Variants in HBS1L observed in about 807,000 individuals in gnomAD.
HBS1L encodes HBS1 like translational GTPase.
HBS1L carries 55 observed loss-of-function variants against 88.9 expected under a neutral mutation model. That is an observed-to-expected ratio of 0.62 (90% CI 0.50 to 0.77). HBS1L has a LOEUF of 0.77. Ranked by LOEUF, HBS1L falls within the 30% of genes least tolerant of loss-of-function variation. The pLI is 0.00. For synonymous variants in HBS1L, 267 were observed against 288.5 expected, an observed-to-expected ratio of 0.93 and a Z score of 0.76; for missense variants, 741 against 829.3, an observed-to-expected ratio of 0.89 and a Z score of 1.31.
chr6:135,022,338 G>T (rs1304864922), intron 4 of HBS1L, among the ~76,000 whole-genome samples: 1 of 151,248 alleles, frequency 6.6e-6, no homozygotes, highest in Non-Finnish European at 1.5e-5. Flanking sequence ...AAAAAGCAAG[G>T]TAATTAATGT....
At chr6:134,975,147 TC>T (rs1774607128) in intron 15 of HBS1L, among the ~76,000 whole-genome samples, 1 of 152,006 alleles carries the variant, frequency 6.6e-6, no homozygotes, top group Non-Finnish European at 1.5e-5. Flanking sequence ...AAGAACTTAA[TC>T]CCTTTTACAA....
intron 4 of HBS1L, among the ~76,000 whole-genome samples, chr6:135,025,207 A>T (rs1397833218): frequency 2.0e-5 from 3 of 152,224 alleles, no homozygotes; most frequent in African/African-American, 7.2e-5. Flanking sequence ...ACTTTCAAAA[A>T]AGTAGGAAAC....
chr6:134,977,939 G>A (rs941131469), intron 15 of HBS1L, among the ~76,000 whole-genome samples: 20 of 151,976 alleles, frequency 1.3e-4, no homozygotes, highest in Non-Finnish European at 2.5e-4. Context: ...CTATTCACAA[G>A]TAACAGCTTT....
chr6:135,016,789 CAT>C (rs1041195642), intron 4 of HBS1L, among the ~76,000 whole-genome samples: 1 of 152,066 alleles, frequency 6.6e-6, no homozygotes, highest in African/African-American at 2.4e-5. Flanking sequence ...GTGCCTGGTA[CAT>C]ATTAGGCACT....
Position 134,996,877 on chromosome 6 carries a change from T to C in HBS1L, c.865A>G (p.Lys289Glu), listed in dbSNP as rs1432031299. The C allele has an allele frequency of 4.3e-6, 7 of 1,611,166 alleles. No homozygotes were observed. The highest frequency in any genetic ancestry group is 5.1e-6 in the Non-Finnish European group (6 of 1,178,904). ...TGTTCATACTTATGCATAGTTCTTT[T>C]GTTTATATTACCCAGAAGATAAAGC... is the stretch of plus-strand genomic sequence containing the variant. Reference protein sequence around the residue: ...HMLYLLGNINKRTMHKYEQES... With the variant: ...HMLYLLGNINERTMHKYEQES... Residue 289 changes from lysine to glutamate, a missense_variant, in exon 7 of 18, where the codon AAA (lysine) becomes GAA (glutamate). This residue lies in a region of HBS1L where 556 missense variants were observed against 598.4 expected (regional missense o/e 0.93). Transcript: ENST00000367837.
intron 15 of HBS1L, 41 bp from the exon 16 acceptor site, chr6:134,969,379 G>A (rs757325336): frequency 1.2e-5 from 15 of 1,211,994 alleles, no homozygotes; most frequent in Non-Finnish European, 1.8e-5. Flanking sequence ...TGCTACCACA[G>A]TATCTCTGGC....
intron 3 of HBS1L, among the ~76,000 whole-genome samples, chr6:135,041,216 T>A (rs1289106285): frequency 6.6e-6 from 1 of 152,052 alleles, no homozygotes; most frequent in Non-Finnish European, 1.5e-5. Flanking sequence ...CTGAAATATT[T>A]GGGCAATTCT....
chr6:135,006,947 G>C (rs1179327875), intron 4 of HBS1L, among the ~76,000 whole-genome samples: 1 of 152,094 alleles, frequency 6.6e-6, no homozygotes, highest in Non-Finnish European at 1.5e-5. Context: ...TCTCAATCCA[G>C]CCTTTATGAC....
At chr6:134,975,920 T>C (rs900034126) in intron 15 of HBS1L, among the ~76,000 whole-genome samples, 5 of 152,052 alleles carry the variant, frequency 3.3e-5, no homozygotes, top group African/African-American at 9.7e-5. Flanking sequence ...AAGACCTAAT[T>C]AAGCTAAAGA....
chr6:135,003,843 C>A (rs894488679), intron 4 of HBS1L, among the ~76,000 whole-genome samples: 5 of 151,686 alleles, frequency 3.3e-5, no homozygotes, highest in African/African-American at 1.2e-4. Context: ...CCAGCCTAGG[C>A]GACAGAGTGA....
intron 10 of HBS1L, among the ~76,000 whole-genome samples, 165 bp downstream of exon 10, chr6:134,986,571 A>C (rs185371150): frequency 1.6e-4 from 24 of 152,240 alleles, no homozygotes; most frequent in Admixed American, 1.4e-3. Context: ...CAATTTTCTA[A>C]GTTGAAATAA....
At chr6:134,995,949 T>A (rs1775277226) in intron 7 of HBS1L, among the ~76,000 whole-genome samples, 1 of 152,054 alleles carries the variant, frequency 6.6e-6, no homozygotes, top group African/African-American at 2.4e-5. Context: ...TATCCAAGAC[T>A]GCAAGAAAAT....
At chr6:134,978,619 T>C in intron 15 of HBS1L, 60 bp downstream of exon 15, 1 of 911,164 alleles carries the variant, frequency 1.1e-6, no homozygotes, top group Non-Finnish European at 1.7e-6. Flanking sequence ...GTTACCACTT[T>C]TAGGATAAAG....
chr6:135,000,457 T>C (rs1362618573), intron 5 of HBS1L, among the ~76,000 whole-genome samples: 2 of 149,472 alleles, frequency 1.3e-5, no homozygotes, highest in African/African-American at 2.6e-5. Context: ...GTTTAATCTT[T>C]CTTCTGGAGT....
chr6:135,006,653 A>C (rs1158916868), intron 4 of HBS1L, among the ~76,000 whole-genome samples: 2 of 152,218 alleles, frequency 1.3e-5, no homozygotes, highest in African/African-American at 2.4e-5. Context: ...AGTAGGAAAA[A>C]CACTAGGAAA....
chr6:135,025,560 A>C (rs1324209230), intron 4 of HBS1L, among the ~76,000 whole-genome samples: 2 of 152,202 alleles, frequency 1.3e-5, no homozygotes, highest in South Asian at 2.1e-4. Context: ...GATAAACAGC[A>C]AGTTCGAGAG....
chr6:135,052,583 T>TAA (rs55725857), intron 1 of HBS1L, among the ~76,000 whole-genome samples: 2 of 137,880 alleles, frequency 1.5e-5, no homozygotes, highest in African/African-American at 5.4e-5. Context: ...TCCTGTCTCT[T>TAA]AAAAAAAAAA....
chr6:134,977,992 T>A (rs1302916102), intron 15 of HBS1L, among the ~76,000 whole-genome samples: 2 of 152,014 alleles, frequency 1.3e-5, no homozygotes, highest in African/African-American at 2.4e-5. Context: ...CCTCTTCCCA[T>A]AAAATGTATA....
intron 4 of HBS1L, among the ~76,000 whole-genome samples, chr6:135,026,223 T>C (rs1437599630): frequency 6.6e-6 from 1 of 152,134 alleles, no homozygotes; most frequent in Non-Finnish European, 1.5e-5. Context: ...CTATCAAAGG[T>C]GTAAAGGTGA....
Sources: gnomAD v4.1 joint callset for allele counts (sites outside exome capture counted in the v4.1 genomes callset) on GRCh38, gnomAD v4.1.1 for gene constraint, gnomAD v4.1.1 regional missense constraint, MANE v1.5 for transcripts, NCBI Gene and HGNC (gene_info 2026-07-23, HGNC 2026-07-21) for gene names.